The following EPPIN variants were observed in gnomAD, a reference collection of about 807,000 sequenced individuals.
The protein encoded by EPPIN is WAP four-disulfide core domain protein 7.
EPPIN carries 14 observed loss-of-function variants against 18.8 expected under a neutral mutation model. That is an observed-to-expected ratio of 0.75 (90% CI 0.49 to 1.17). The LOEUF (loss-of-function observed/expected upper bound fraction) is 1.17, where lower values mean the gene tolerates loss of function less well. EPPIN is among the 50% of genes most tolerant of loss of function. The pLI is 0.00. For missense variants in EPPIN, 143 were observed against 154.2 expected, an observed-to-expected ratio of 0.93 and a Z score of 0.39; for synonymous variants, 57 against 54.8, an observed-to-expected ratio of 1.04 and a Z score of -0.18.
In EPPIN at chr20:45,541,934, A is replaced by G. The variant is rs1979607228; in HGVS notation, c.*210T>C. On this transcript the variant is annotated 3_prime_UTR_variant, in exon 4 of 4. Coordinates refer to ENST00000354280, the MANE Select transcript of EPPIN (RefSeq NM_020398.4). The stretch of plus-strand genomic sequence containing the variant: ...AGTTGGAGATAAAGGGGACATAAAG[A>G]TGAAATCAAAACGGATGGATATTGT... The G allele has an allele frequency of 3.6e-6, 2 of 551,808 alleles. No individual in the cohort carries two copies. Among genetic ancestry groups the G allele is most frequent in the Non-Finnish European group, 6.3e-6 (2 of 316,698 alleles). The allele number at this position is 551,808 out of a possible 1,614,324, so 34.2% of individuals were successfully genotyped here. A position where few individuals can be genotyped will look rare whatever the true frequency, so the allele number is the denominator to read the frequency against.
intron 2 of EPPIN, chr20:45,543,300 G>C (rs547635430): frequency 1.8e-4 from 28 of 154,858 alleles, no homozygotes; most frequent in Middle Eastern, 3.4e-3. Context: ...AATGGAACAT[G>C]CTTCTTCCCC....
At chr20:45,544,161 T>G (rs1337199679) in intron 2 of EPPIN, 2 of 152,178 alleles carry the variant, frequency 1.3e-5, no homozygotes, top group Non-Finnish European at 1.5e-5. Context: ...TATGGAACGT[T>G]GAGGATAAAC....
At chr20:45,547,155 G>A (rs2231831) in intron 1 of EPPIN, 112 bp downstream of exon 1, 428 of 1,465,760 alleles carry the variant, frequency 2.9e-4, no homozygotes, top group Non-Finnish European at 3.1e-4. Flanking sequence ...CTCCCAACCC[G>A]GGACCTGGGC....
Position 45,541,421 on chromosome 20 carries a change from T to A in EPPIN, c.*723A>T, listed in dbSNP as rs1979585058. 6.6e-6 allele frequency: 1 copy of A among 152,202 alleles called. No individual in the cohort carries two copies. Among genetic ancestry groups the A allele is most frequent in the African/African-American group, 2.4e-5 (1 of 41,446 alleles). The allele number at this position is 152,202 out of a possible 1,614,324, so 9.4% of individuals were successfully genotyped here. A position where few individuals can be genotyped will look rare whatever the true frequency, so the allele number is the denominator to read the frequency against. ...ATAAAATATTTTTAAAAAGAAAATT[T>A]GTAAGCCTGTTTTACATGATTCTTT... is the stretch of plus-strand genomic sequence containing the variant. On this transcript the variant is annotated 3_prime_UTR_variant, in exon 4 of 4. Transcript: ENST00000354280.
chr20:45,544,619 G>C (rs2064273), intron 2 of EPPIN: 7,606 of 152,410 alleles, frequency 0.05, 440 homozygotes, highest in African/African-American at 0.12. Context: ...CTTTCAAGCA[G>C]GTCCTACTCT....
intron 2 of EPPIN, chr20:45,545,321 C>A: frequency 2.8e-6 from 1 of 360,502 alleles, no homozygotes; most frequent in Non-Finnish European, 5.0e-6. Flanking sequence ...GTTAGGGCAA[C>A]GATGGCCACC....
chr20:45,545,997 T>C (rs1205593202), intron 1 of EPPIN: 3 of 570,116 alleles, frequency 5.3e-6, no homozygotes, highest in East Asian at 5.8e-5. Context: ...CTCCATCCCA[T>C]CTAAGGCAGA....
chr20:45,542,203 A>G (rs919427285), intron 3 of EPPIN, 49 bp from the exon 4 acceptor site: 3 of 1,610,156 alleles, frequency 1.9e-6, no homozygotes, highest in Non-Finnish European at 2.5e-6. Context: ...GGTTCAGCTC[A>G]TCTTTGGAGC....
chr20:45,542,770 A>G lies in EPPIN; in HGVS notation c.321T>C (p.Tyr107=). 8 of 1,614,008 alleles carry G rather than the reference A, an allele frequency of 5.0e-6. No homozygotes were observed. Among genetic ancestry groups the G allele is most frequent in the Non-Finnish European group, 5.9e-6 (7 of 1,179,904 alleles). ...TGTTATTGTTTCCCTGGCAGCCACCATAGACAAACATGGAGCAAGTATTAT... is the reference window on the plus strand; with the variant it reads ...TGTTATTGTTTCCCTGGCAGCCACCGTAGACAAACATGGAGCAAGTATTAT... ...KKDNTCSMFV[Y]GGCQGNNNNF... Residue 107 remains tyrosine, a synonymous_variant, in exon 3 of 4, where the codon TAT becomes TAC. Coordinates refer to ENST00000354280, the MANE Select transcript of EPPIN (RefSeq NM_020398.4).
At chr20:45,545,860 G>C (rs1415107459) in intron 1 of EPPIN, 90 bp from the exon 2 acceptor site, 1 of 1,556,154 alleles carries the variant, frequency 6.4e-7, no homozygotes, top group African/African-American at 1.4e-5. Flanking sequence ...AGAGAGTCAG[G>C]GAAGTTTGCT....
At chr20:45,546,303 C>G (rs1036624688) in intron 1 of EPPIN, 10 of 155,488 alleles carry the variant, frequency 6.4e-5, no homozygotes, top group Non-Finnish European at 5.7e-5. Flanking sequence ...TCACTTACCC[C>G]GGAGCCAGTT....
rs757011496 is a variant in EPPIN, at chr20:45,542,165, C to T, written c.392-11G>A. The T allele has an allele frequency of 4.3e-6, 7 of 1,613,360 alleles. No individual in the cohort carries two copies. Among genetic ancestry groups the T allele is most frequent in the Non-Finnish European group, 4.2e-6 (5 of 1,179,720 alleles). Reference sequence around the variant, plus strand: ...CCAATCAGGGAAAGCCTGCAGAGAACGTAGGACAGAAACAGCTGAGCATCT... The same window carrying T: ...CCAATCAGGGAAAGCCTGCAGAGAATGTAGGACAGAAACAGCTGAGCATCT... On this transcript the variant is annotated splice_polypyrimidine_tract_variant and intron_variant, in intron 3 of 3. Coordinates refer to ENST00000354280, the MANE Select transcript of EPPIN (RefSeq NM_020398.4).
rs1979881713 is a variant in EPPIN, at chr20:45,547,359, T to C, written c.-2A>G. On this transcript the variant is annotated 5_prime_UTR_variant, in exon 1 of 4. Transcript: ENST00000354280. ...GCTCAAAAGTCCAGAAGATCCCATG[T>C]TGAAGAGAGGCCAGCCTTTCTGGTG... is the stretch of plus-strand genomic sequence containing the variant. 1.9e-6 allele frequency: 3 copies of C among 1,613,618 alleles called. No homozygotes were observed. Among genetic ancestry groups the C allele is most frequent in the Non-Finnish European group, 1.7e-6 (2 of 1,179,868 alleles).
At chr20:45,545,881 T>C (rs1979809146) in intron 1 of EPPIN, 111 bp from the exon 2 acceptor site, 10 of 1,525,040 alleles carry the variant, frequency 6.6e-6, no homozygotes, top group Non-Finnish European at 8.9e-6. Context: ...TTCAGTTTGC[T>C]TGCCCCCAGG....
chr20:45,544,491 C>G (rs1252702968), intron 2 of EPPIN: 1 of 152,178 alleles, frequency 6.6e-6, no homozygotes, highest in Non-Finnish European at 1.5e-5. Flanking sequence ...GAGTTGAACT[C>G]AGGATGGCTG....
intron 2 of EPPIN, 39 bp from the exon 3 acceptor site, chr20:45,542,906 A>T: frequency 3.2e-6 from 5 of 1,576,404 alleles, no homozygotes; most frequent in Non-Finnish European, 4.3e-6. Context: ...CAGTGTGCCC[A>T]CTCCAGAAAT....
At chr20:45,545,062 A>G (rs1255711215) in intron 2 of EPPIN, 1 of 152,458 alleles carries the variant, frequency 6.6e-6, no homozygotes, top group Non-Finnish European at 1.5e-5. Flanking sequence ...ACCAAATCCT[A>G]TTGTGGGTCT....
chr20:45,542,286 A>G, intron 3 of EPPIN, 132 bp from the exon 4 acceptor site: 1 of 1,188,490 alleles, frequency 8.4e-7, no homozygotes, highest in Non-Finnish European at 1.2e-6. Context: ...GGAGCTCTCC[A>G]TCTCCTTCAA....
intron 2 of EPPIN, 92 bp from the exon 3 acceptor site, chr20:45,542,959 A>G: frequency 2.0e-6 from 3 of 1,502,892 alleles, no homozygotes; most frequent in Non-Finnish European, 2.7e-6. Flanking sequence ...TATAGAAGAA[A>G]CTGGAGTAGG....
Sources: allele counts gnomAD v4.1 joint callset, GRCh38; gene constraint gnomAD v4.1.1; transcripts MANE v1.5; gene names NCBI Gene and HGNC (gene_info 2026-07-23, HGNC 2026-07-21).